Variants in FREM1 observed in about 807,000 individuals in gnomAD.
FREM1 encodes FRAS1 related extracellular matrix 1, also known as FRAS1-related extracellular matrix protein 1.
A neutral mutation model predicts 210.1 loss-of-function variants in FREM1; 220 were observed. The ratio of observed to expected loss-of-function variants is 1.05; its 90% CI spans 0.94 to 1.17. FREM1 has a LOEUF of 1.17. Ranked by LOEUF, FREM1 falls within the 50% of genes most tolerant of loss-of-function variation. The pLI is 0.00. For missense variants in FREM1, 3,454 were observed against 2,675.5 expected (o/e 1.29, Z -6.42); for synonymous variants, 1,189 against 980.2 (o/e 1.21, Z -3.98).
intron 1 of FREM1, among the ~76,000 whole-genome samples, chr9:14,876,103 G>C (rs1227603496): frequency 1.3e-4 from 19 of 151,932 alleles, no homozygotes; most frequent in Admixed American, 1.1e-3. Context: ...GTGCCTCCCA[G>C]TTAGGCTGCT....
intron 30 of FREM1, among the ~76,000 whole-genome samples, chr9:14,749,310 G>C (rs1842953609): frequency 6.6e-6 from 1 of 152,132 alleles, no homozygotes; most frequent in African/African-American, 2.4e-5. Context: ...GGTGAGGAAA[G>C]GTAGTGGGGA....
chr9:14,873,216 A>G (rs990761242), intron 1 of FREM1, among the ~76,000 whole-genome samples: 6 of 151,884 alleles, frequency 4.0e-5, no homozygotes, highest in Admixed American at 1.3e-4. Context: ...CTCTTTTTCT[A>G]TTGATTGGAA....
chr9:14,756,702 T>A (rs547440971), intron 28 of FREM1, among the ~76,000 whole-genome samples: 6 of 152,234 alleles, frequency 3.9e-5, no homozygotes, highest in Admixed American at 3.3e-4. Flanking sequence ...ATAAATGATT[T>A]AGTTATTGAA....
intron 8 of FREM1, among the ~76,000 whole-genome samples, chr9:14,844,225 C>CTTTTTTT (rs35686371): frequency 7.2e-6 from 1 of 138,782 alleles, no homozygotes; most frequent in Non-Finnish European, 1.6e-5. Flanking sequence ...ACAACTCTTC[C>CTTTTTTT]TTTTTTTTTT....
At chr9:14,891,752 T>C (rs1355189641) in intron 1 of FREM1, among the ~76,000 whole-genome samples, 1 of 152,148 alleles carries the variant, frequency 6.6e-6, no homozygotes, top group Non-Finnish European at 1.5e-5. Flanking sequence ...AAGGGCATGT[T>C]TGAAGATGGA....
rs555726969 is a variant in FREM1 at position 14,908,430 on chromosome 9, C to T, written c.-268+1484G>A. 3.9e-5 allele frequency among the ~76,000 whole-genome samples: 6 copies of T among 152,198 alleles called. No homozygotes were observed. The East Asian group carries it at 5.8e-4, about 15-fold the overall frequency. Reference sequence around the variant, plus strand: ...CCAAAACAAACATTGCTTAGCCATGCGGGGGCAGATCAGGCCATATAGCCC... The same window carrying T: ...CCAAAACAAACATTGCTTAGCCATGTGGGGGCAGATCAGGCCATATAGCCC... On this transcript the variant is annotated intron_variant, in intron 1 of 36. Transcript: ENST00000380880.
chr9:14,756,683 T>A (rs1563844560), intron 28 of FREM1, among the ~76,000 whole-genome samples: 1 of 152,186 alleles, frequency 6.6e-6, no homozygotes, highest in Non-Finnish European at 1.5e-5. Flanking sequence ...TTTGTTTGGT[T>A]TTTCCTTTAT....
chr9:14,757,715 T>C (rs1283299555), intron 28 of FREM1, among the ~76,000 whole-genome samples: 3 of 152,210 alleles, frequency 2.0e-5, no homozygotes, highest in Non-Finnish European at 1.5e-5. Flanking sequence ...AAGAATGAAG[T>C]GCATAATGAA....
rs368451138 is a variant in FREM1, at chr9:14,808,050, C to T, written c.2978G>A (p.Cys993Tyr). 5.6e-6 allele frequency: 9 copies of T among 1,613,506 alleles called. No individual in the cohort carries two copies. In the African/African-American group the frequency reaches 6.7e-5, roughly 12 times the overall value. ...DGEAGPFVNG[C>Y]CYNGPNPSVP... ...AGATGGATTGGGTCCATTGTAGCAACAGCCATTCACAAAAGGGCCAGCCTC... is the reference window on the plus strand; with the variant it reads ...AGATGGATTGGGTCCATTGTAGCAATAGCCATTCACAAAAGGGCCAGCCTC... Residue 993 changes from cysteine (C) to tyrosine (Y), a missense_variant, in exon 17 of 37, where the codon TGT (cysteine) becomes TAT (tyrosine). Coordinates refer to ENST00000380880, the MANE Select transcript of FREM1 (RefSeq NM_001379081.2).
intron 15 of FREM1, among the ~76,000 whole-genome samples, chr9:14,815,678 C>T (rs11998769): frequency 0.029 from 4,449 of 152,172 alleles, 187 homozygotes; most frequent in African/African-American, 0.099. Flanking sequence ...GTCAGAGTCT[C>T]GCTCTGTTGC....
intron 29 of FREM1, among the ~76,000 whole-genome samples, chr9:14,754,760 C>T (rs1446026473): frequency 2.0e-5 from 3 of 151,982 alleles, no homozygotes; most frequent in African/African-American, 4.8e-5. Context: ...GGTGAAACCC[C>T]GTCTCTACTA....
rs1190566584 is a variant in FREM1, at chr9:14,806,683, T to C, written c.3252A>G (p.Lys1084=). Residue 1084 remains lysine (K), a synonymous_variant, in exon 18 of 37, where the codon AAA becomes AAG. Coordinates refer to ENST00000380880, the MANE Select transcript of FREM1 (RefSeq NM_001379081.2). ...TACCTATACTTATGCCAATATTGCT[T>C]TTTTCAAAACCCACAGAAGGGAGTA... The part of the protein sequence containing the change: ...ENILPSVGFE[K]SNIGISIDSF... 6.3e-7 allele frequency: 1 copy of C among 1,598,942 alleles called. No individual in the cohort carries two copies. The highest frequency in any genetic ancestry group is 1.1e-5 in the South Asian group (1 of 87,954).
intron 14 of FREM1, 37 bp downstream of exon 14, chr9:14,819,197 A>T (rs776526977): frequency 4.8e-6 from 7 of 1,449,080 alleles, no homozygotes; most frequent in Non-Finnish European, 5.7e-6. Flanking sequence ...ATAAGAAACT[A>T]AAGCATGTAA....
chr9:14,748,386 G>C lies in FREM1; in HGVS notation c.5796+15C>G. 7.1e-7 allele frequency: 1 copy of C among 1,398,906 alleles called. No homozygotes were observed. Among genetic ancestry groups the C allele is most frequent in the Non-Finnish European group, 1.0e-6 (1 of 990,556 alleles). 86.7% of individuals were successfully genotyped at this position (1,398,906 alleles called of 1,614,324 possible). A position where few individuals can be genotyped will look rare whatever the true frequency, so the allele number is the denominator to read the frequency against. On this transcript the variant is annotated intron_variant, in intron 31 of 36. Coordinates refer to ENST00000380880, the MANE Select transcript of FREM1 (RefSeq NM_001379081.2). The stretch of plus-strand genomic sequence containing the variant: ...GTATTTTGCACATCATTTCCCAGAA[G>C]GTCCCCATCCTTACTGTTTTGCCAT...
intron 20 of FREM1, among the ~76,000 whole-genome samples, chr9:14,797,957 G>C (rs532215828): frequency 9.9e-4 from 151 of 152,020 alleles, no homozygotes; most frequent in African/African-American, 3.6e-3. Context: ...AATTATTTGG[G>C]GAAAATTATA....
chr9:14,806,360 A>T (rs1302310346), intron 18 of FREM1, among the ~76,000 whole-genome samples: 1 of 151,492 alleles, frequency 6.6e-6, no homozygotes, highest in Non-Finnish European at 1.5e-5. Flanking sequence ...GTTTCAAGCA[A>T]TTCTCCTGCC....
chr9:14,887,428 T>C (rs1392223535), intron 1 of FREM1, among the ~76,000 whole-genome samples: 1 of 152,222 alleles, frequency 6.6e-6, no homozygotes, highest in Non-Finnish European at 1.5e-5. Context: ...GGTGGGCCCA[T>C]ACTACAAAGC....
chr9:14,803,015 C>G (rs1164181897), intron 19 of FREM1, among the ~76,000 whole-genome samples: 1 of 146,482 alleles, frequency 6.8e-6, no homozygotes, highest in Non-Finnish European at 1.5e-5. Context: ...TCCTCCCTCC[C>G]TTTCTTTCTT....
chr9:14,883,201 A>C (rs1835131125), intron 1 of FREM1, among the ~76,000 whole-genome samples: 1 of 152,140 alleles, frequency 6.6e-6, no homozygotes, highest in South Asian at 2.1e-4. Context: ...CTTACAACAG[A>C]ATACATATTA....
Sources: gnomAD v4.1 joint callset for allele counts (sites outside exome capture counted in the v4.1 genomes callset) on GRCh38, gnomAD v4.1.1 for gene constraint, MANE v1.5 for transcripts, NCBI Gene and HGNC (gene_info 2026-07-23, HGNC 2026-07-21) for gene names.